The following PKP4 variants were observed in gnomAD, a reference collection of about 807,000 sequenced individuals.
PKP4 encodes the protein plakophilin 4, also known as plakophilin-4.
PKP4 carries 90 observed loss-of-function variants against 145.1 expected under a neutral mutation model. The observed-to-expected ratio is 0.62, with a 90% CI of 0.52 to 0.74. PKP4 has a LOEUF of 0.74. Ranked by LOEUF, PKP4 falls within the 30% of genes least tolerant of loss-of-function variation. The probability of loss-of-function intolerance (pLI) is 0.00; values close to 1 mark genes in which losing one functional copy is unlikely to be tolerated. For synonymous variants in PKP4, 563 were observed against 577.2 expected (o/e 0.98, Z 0.35); for missense variants, 1,340 against 1,482.7 (o/e 0.90, Z 1.58).
At chr2:158,501,381 A>T (rs191671039) in intron 1 of PKP4, among the ~76,000 whole-genome samples, 1 of 152,216 alleles carries the variant, frequency 6.6e-6, no homozygotes, top group Non-Finnish European at 1.5e-5. Context: ...TAATTGCTAC[A>T]TGCCAGGTTG....
intron 3 of PKP4, among the ~76,000 whole-genome samples, chr2:158,582,625 G>C (rs1559354333): frequency 1.3e-5 from 2 of 152,254 alleles, no homozygotes; most frequent in East Asian, 1.9e-4. Context: ...ACCATTCCTG[G>C]GGCTGAGGCT....
chr2:158,519,137 ATC>A (rs893050839), intron 1 of PKP4, among the ~76,000 whole-genome samples: 23 of 145,098 alleles, frequency 1.6e-4, no homozygotes, highest in African/African-American at 5.3e-4. Flanking sequence ...TTTTTGTAAA[ATC>A]TCTCTCTTTT....
At chr2:158,650,231 C>A (rs1353544305) in intron 11 of PKP4, among the ~76,000 whole-genome samples, 1 of 152,162 alleles carries the variant, frequency 6.6e-6, no homozygotes, top group Non-Finnish European at 1.5e-5. Context: ...CTCTGTGTGT[C>A]CCATATGGGC....
At chr2:158,541,261 G>A (rs941980169) in intron 2 of PKP4, among the ~76,000 whole-genome samples, 2 of 152,054 alleles carry the variant, frequency 1.3e-5, no homozygotes. Context: ...TTGTTACTTT[G>A]CAAAAATGTG....
intron 2 of PKP4, among the ~76,000 whole-genome samples, chr2:158,554,512 G>A (rs1045854983): frequency 5.3e-5 from 8 of 150,946 alleles, no homozygotes; most frequent in African/African-American, 7.3e-5. Flanking sequence ...TGCAAGCTCC[G>A]CCTTCCAGGT....
chr2:158,590,312 AGTGTGTGTGTGTGTGTGTGTGTGTGT>A (rs57003090), intron 3 of PKP4, among the ~76,000 whole-genome samples: 2 of 124,210 alleles, frequency 1.6e-5, no homozygotes, highest in African/African-American at 3.0e-5. Context: ...GAATGTCTTG[AGTGTGTGTGTGTGTGTGTGTGTGTGT>A]GTGTGTGTGT....
intron 11 of PKP4, among the ~76,000 whole-genome samples, chr2:158,648,957 C>T (rs1324084717): frequency 1.3e-5 from 2 of 152,226 alleles, no homozygotes; most frequent in Non-Finnish European, 1.5e-5. Context: ...GACATCGCGC[C>T]ACTGCACTCC....
chr2:158,492,170 G>A (rs1695038112), intron 1 of PKP4, among the ~76,000 whole-genome samples: 1 of 151,310 alleles, frequency 6.6e-6, no homozygotes, highest in Admixed American at 6.6e-5. Flanking sequence ...TGGAGTCTAC[G>A]TTGTGTCACT....
intron 1 of PKP4, among the ~76,000 whole-genome samples, chr2:158,519,738 A>T (rs2042207028): frequency 6.6e-6 from 1 of 152,206 alleles, no homozygotes; most frequent in African/African-American, 2.4e-5. Flanking sequence ...CTTAAAAATG[A>T]GAAAATGCCT....
chr2:158,558,776 AGAG>A (rs2046295386), intron 2 of PKP4, among the ~76,000 whole-genome samples: 1 of 152,170 alleles, frequency 6.6e-6, no homozygotes. Context: ...AAATACATAA[AGAG>A]GAGAAGGTGA....
chr2:158,477,984 G>GT (rs2105425387), intron 1 of PKP4, among the ~76,000 whole-genome samples: 1 of 152,300 alleles, frequency 6.6e-6, no homozygotes, highest in East Asian at 1.9e-4. Context: ...CAGGGACAAG[G>GT]TTTATTCCCT....
At chr2:158,496,073 T>G (rs1317418753) in intron 1 of PKP4, among the ~76,000 whole-genome samples, 2 of 151,922 alleles carry the variant, frequency 1.3e-5, no homozygotes, top group Non-Finnish European at 2.9e-5. Context: ...CTCCACCTCC[T>G]GGGTTCACAC....
intron 1 of PKP4, among the ~76,000 whole-genome samples, chr2:158,529,412 G>T (rs1182093296): frequency 6.6e-6 from 1 of 152,094 alleles, no homozygotes. Flanking sequence ...TGAGCTTTGA[G>T]CTCATAAAAA....
In PKP4 at chr2:158,561,993, A is replaced by C. The variant is rs182695157; in HGVS notation, c.133-15278A>C. Among the ~76,000 whole-genome samples the C allele has an allele frequency of 4.0e-3, 575 of 143,224 alleles. 4 individuals are homozygous for C. Among genetic ancestry groups the C allele is most frequent in the African/African-American group, 0.013 (506 of 37,812 alleles). The allele number at this position is 143,224 out of a possible 152,430, so 94.0% of individuals were successfully genotyped here. A position where few individuals can be genotyped will look rare whatever the true frequency, so the allele number is the denominator to read the frequency against. On this transcript the variant is annotated intron_variant, in intron 2 of 21. Transcript: ENST00000389759. ...CCGCCCTGTGTCCAAGTGTTCTCATAATCAAGTCAGTCGTTTAAATTACAG... is the reference window on the plus strand; with the variant it reads ...CCGCCCTGTGTCCAAGTGTTCTCATCATCAAGTCAGTCGTTTAAATTACAG...
At chr2:158,608,476 C>G (rs566730505) in intron 4 of PKP4, among the ~76,000 whole-genome samples, 10 of 152,246 alleles carry the variant, frequency 6.6e-5, no homozygotes, top group Admixed American at 5.9e-4. Flanking sequence ...ACAGGTGTGT[C>G]CATAATTCAC....
intron 2 of PKP4, among the ~76,000 whole-genome samples, chr2:158,570,078 T>C (rs1324458175): frequency 6.6e-6 from 1 of 152,226 alleles, no homozygotes; most frequent in Non-Finnish European, 1.5e-5. Context: ...ATTTAGGGAC[T>C]ACCAAGTAGA....
intron 3 of PKP4, among the ~76,000 whole-genome samples, chr2:158,589,987 G>C (rs1478939002): frequency 6.6e-6 from 1 of 152,128 alleles, no homozygotes; most frequent in Non-Finnish European, 1.5e-5. Context: ...GTCTGCCTAG[G>C]GATGGGGGTG....
At position 158,522,700 on chromosome 2, in the gene PKP4, TGCATTTCCA is replaced by T. The variant is rs1441079461; in HGVS notation, c.-5-10479_-5-10471del. ...AGCGACGCAGAAGACGGGTGATTTC[TGCATTTCCA>T]TCTGAGGTACCGGGTTCATCTCACT... On this transcript the variant is annotated intron_variant, in intron 1 of 21. Coordinates refer to ENST00000389759, the MANE Select transcript of PKP4 (RefSeq NM_003628.6). Among the ~76,000 whole-genome samples, 6 of 152,340 alleles carry T rather than the reference TGCATTTCCA, an allele frequency of 3.9e-5. No homozygotes were observed. The East Asian group carries it at 1.2e-3, about 30-fold the overall frequency.
At chr2:158,578,648 G>A (rs1360126805) in intron 3 of PKP4, among the ~76,000 whole-genome samples, 2 of 151,908 alleles carry the variant, frequency 1.3e-5, no homozygotes, top group African/African-American at 4.8e-5. Flanking sequence ...TGAACCAACT[G>A]GTTTTGTTTT....
Sources: allele counts gnomAD v4.1 joint callset (sites outside exome capture counted in the v4.1 genomes callset), GRCh38; gene constraint gnomAD v4.1.1; transcripts MANE v1.5; gene names NCBI Gene and HGNC (gene_info 2026-07-23, HGNC 2026-07-21).